The following ADAMTS6 variants were observed in gnomAD, a reference collection of about 807,000 sequenced individuals.
The protein encoded by ADAMTS6 is A disintegrin and metalloproteinase with thrombospondin motifs 6.
Under a neutral mutation model 144.3 loss-of-function variants are expected in ADAMTS6, and 23 were observed. The ratio of observed to expected loss-of-function variants is 0.16; its 90% confidence interval spans 0.11 to 0.23. ADAMTS6 has a LOEUF of 0.23. ADAMTS6 is among the 10% of genes least tolerant of loss of function. ADAMTS6 has a pLI of 1.00. For missense variants in ADAMTS6, 999 were observed against 1,379.6 expected, an observed-to-expected ratio of 0.72 and a Z score of 4.37; for synonymous variants, 444 against 457.5, an observed-to-expected ratio of 0.97 and a Z score of 0.38.
chr5:65,183,402 A>G (rs1340000847), intron 22 of ADAMTS6, among the ~76,000 whole-genome samples: 1 of 152,046 alleles, frequency 6.6e-6, no homozygotes, highest in Non-Finnish European at 1.5e-5. Flanking sequence ...GTATGCTGTT[A>G]TAATATTTTA....
intron 9 of ADAMTS6, 77 bp downstream of exon 9, chr5:65,329,301 G>T: frequency 7.7e-7 from 1 of 1,302,482 alleles, no homozygotes; most frequent in Non-Finnish European, 1.1e-6. Context: ...GTTCAGCACA[G>T]CCTTTCCATA....
intron 24 of ADAMTS6, among the ~76,000 whole-genome samples, chr5:65,163,304 A>C (rs1477366348): frequency 1.3e-5 from 2 of 152,158 alleles, no homozygotes; most frequent in African/African-American, 4.8e-5. Flanking sequence ...TTCTCAAGAG[A>C]GGGAAAGCTA....
intron 9 of ADAMTS6, among the ~76,000 whole-genome samples, chr5:65,304,320 G>T (rs565502385): frequency 1.3e-5 from 2 of 152,320 alleles, no homozygotes; most frequent in Admixed American, 1.3e-4. Context: ...GTAATAGGAC[G>T]TTCAGGCTGG....
At chr5:65,364,713 C>T (rs1750143084) in intron 7 of ADAMTS6, among the ~76,000 whole-genome samples, 1 of 151,642 alleles carries the variant, frequency 6.6e-6, no homozygotes, top group South Asian at 2.1e-4. Flanking sequence ...ACTACAGGCG[C>T]CCGTCACTGC....
chr5:65,266,703 T>G (rs1219218057), intron 12 of ADAMTS6, among the ~76,000 whole-genome samples: 2 of 152,016 alleles, frequency 1.3e-5, no homozygotes, highest in Admixed American at 1.3e-4. Context: ...ACTTTTAAAA[T>G]AGTTCAACGC....
In ADAMTS6 at chr5:65,247,413, C is replaced by CAAA. The variant is rs555347910; in HGVS notation, c.1831-5210_1831-5208dup. ...CAGAAAGAAATCTAGCTTCTGCTTA[C>CAAA]AAACTTTTTAGTGGCATTTCTATTA... On this transcript the variant is annotated intron_variant, in intron 14 of 24. Transcript: ENST00000381055. 3.9e-5 allele frequency among the ~76,000 whole-genome samples: 6 copies of CAAA among 152,158 alleles called. No homozygotes were observed. In the East Asian group the frequency reaches 7.7e-4, roughly 20 times the overall value.
At chr5:65,224,437 G>A in intron 17 of ADAMTS6, 37 bp from the exon 18 acceptor site, 3 of 1,562,208 alleles carry the variant, frequency 1.9e-6, no homozygotes, top group Non-Finnish European at 2.6e-6. Flanking sequence ...AAGCAGCCTT[G>A]GTCAGGAAAT....
intron 7 of ADAMTS6, among the ~76,000 whole-genome samples, chr5:65,381,792 TAAAGA>T (rs993426719): frequency 1.3e-5 from 2 of 152,060 alleles, no homozygotes; most frequent in Admixed American, 1.3e-4. Context: ...AAAATGAAAC[TAAAGA>T]AAAGTTATAG....
intron 9 of ADAMTS6, among the ~76,000 whole-genome samples, chr5:65,302,092 CAAAAAA>C (rs1182825165): frequency 0.01 from 208 of 19,936 alleles, 1 homozygote; most frequent in Middle Eastern, 0.056. Flanking sequence ...GCTCTGTCTC[CAAAAAA>C]AAAAAAAAAA....
chr5:65,465,519 T>C (rs1759930455), intron 3 of ADAMTS6, among the ~76,000 whole-genome samples: 2 of 152,164 alleles, frequency 1.3e-5, no homozygotes, highest in Non-Finnish European at 2.9e-5. Flanking sequence ...ACTGAAAATT[T>C]TTTTGCTTTT....
chr5:65,346,776 A>G (rs868034359), intron 7 of ADAMTS6, among the ~76,000 whole-genome samples: 1 of 151,906 alleles, frequency 6.6e-6, no homozygotes, highest in East Asian at 1.9e-4. Context: ...GTTGGAACTA[A>G]TACATAAATT....
At chr5:65,392,565 T>C (rs1020949172) in intron 7 of ADAMTS6, among the ~76,000 whole-genome samples, 2 of 152,226 alleles carry the variant, frequency 1.3e-5, no homozygotes, top group African/African-American at 2.4e-5. Flanking sequence ...AGTTCGCCAG[T>C]GGGAATGCCT....
At chr5:65,420,676 G>A (rs1339506574) in intron 7 of ADAMTS6, among the ~76,000 whole-genome samples, 8 of 151,934 alleles carry the variant, frequency 5.3e-5, no homozygotes, top group Admixed American at 1.3e-4. Flanking sequence ...CACTGCGCCC[G>A]GCCTCTGAAT....
At chr5:65,422,058 C>T (rs1756091391) in intron 7 of ADAMTS6, among the ~76,000 whole-genome samples, 1 of 152,074 alleles carries the variant, frequency 6.6e-6, no homozygotes, top group East Asian at 1.9e-4. Flanking sequence ...AACTGTGCAT[C>T]CCACAAACAA....
chr5:65,208,258 G>A (rs1041169132), intron 20 of ADAMTS6, among the ~76,000 whole-genome samples: 7 of 152,126 alleles, frequency 4.6e-5, no homozygotes, highest in Admixed American at 3.9e-4. Flanking sequence ...CTTCTCAACC[G>A]GGGCTGTATG....
At chr5:65,202,247 C>T (rs923795483) in intron 20 of ADAMTS6, among the ~76,000 whole-genome samples, 1 of 152,060 alleles carries the variant, frequency 6.6e-6, no homozygotes, top group African/African-American at 2.4e-5. Flanking sequence ...ACTGGATGTC[C>T]TAAGTAAACA....
chr5:65,410,274 T>C (rs889984094), intron 7 of ADAMTS6, among the ~76,000 whole-genome samples: 5 of 152,194 alleles, frequency 3.3e-5, no homozygotes, highest in African/African-American at 1.2e-4. Flanking sequence ...CATGTATAAA[T>C]TATTGTTAGA....
chr5:65,303,419 G>T (rs1029474211), intron 9 of ADAMTS6, among the ~76,000 whole-genome samples: 2 of 151,906 alleles, frequency 1.3e-5, no homozygotes, highest in African/African-American at 4.8e-5. Context: ...TCCAATTAAT[G>T]ATATGTCTTC....
intron 3 of ADAMTS6, among the ~76,000 whole-genome samples, chr5:65,468,427 A>T (rs1580781207): frequency 6.8e-6 from 1 of 146,798 alleles, no homozygotes; most frequent in African/African-American, 2.5e-5. Context: ...CAAGAGTAAG[A>T]CCCTGTCTCA....
Sources: allele counts gnomAD v4.1 joint callset (sites outside exome capture counted in the v4.1 genomes callset), GRCh38; gene constraint gnomAD v4.1.1; transcripts MANE v1.5; gene names NCBI Gene and HGNC (gene_info 2026-07-23, HGNC 2026-07-21).